VPS8: variants seen among roughly 807,000 people sequenced by gnomAD.
VPS8 encodes VPS8 subunit of CORVET complex, also known as vacuolar protein sorting-associated protein 8 homolog.
VPS8 carries 129 observed loss-of-function variants against 216.4 expected under a neutral mutation model. That is an observed-to-expected ratio of 0.60 (90% CI 0.52 to 0.69). VPS8 has a LOEUF of 0.69. Ranked by LOEUF, VPS8 falls within the 30% of genes least tolerant of loss-of-function variation. VPS8 has a pLI of 0.00. For missense variants in VPS8, 1,531 were observed against 1,683.5 expected, an observed-to-expected ratio of 0.91 and a Z score of 1.59; for synonymous variants, 571 against 565.4, an observed-to-expected ratio of 1.01 and a Z score of -0.14.
At chr3:185,033,983 G>A (rs1245312546) in intron 46 of VPS8, among the ~76,000 whole-genome samples, 1 of 152,090 alleles carries the variant, frequency 6.6e-6, no homozygotes, top group Non-Finnish European at 1.5e-5. Context: ...TGTTACATGG[G>A]AATATTGAGT....
At chr3:184,997,048 G>A (rs1177082704) in intron 44 of VPS8, among the ~76,000 whole-genome samples, 1 of 152,206 alleles carries the variant, frequency 6.6e-6, no homozygotes, top group Non-Finnish European at 1.5e-5. Flanking sequence ...TAGACATCAG[G>A]TAGGGATGCC....
At chr3:184,994,757 A>G (rs546091305) in intron 43 of VPS8, among the ~76,000 whole-genome samples, 2 of 152,360 alleles carry the variant, frequency 1.3e-5, no homozygotes, top group Admixed American at 6.5e-5. Context: ...TGAAACAGAT[A>G]GTTGTCACTA....
chr3:185,021,796 G>A (rs1430170824), intron 45 of VPS8, among the ~76,000 whole-genome samples: 3 of 152,142 alleles, frequency 2.0e-5, no homozygotes, highest in Non-Finnish European at 4.4e-5. Flanking sequence ...TAGCGATGGC[G>A]ACAGTGATAG....
At chr3:184,853,024 A>G (rs770700762) in intron 11 of VPS8, among the ~76,000 whole-genome samples, 1 of 152,180 alleles carries the variant, frequency 6.6e-6, no homozygotes, top group African/African-American at 2.4e-5. Context: ...CATAATATTC[A>G]TTGAATATTA....
intron 13 of VPS8, among the ~76,000 whole-genome samples, chr3:184,855,405 T>A (rs1725056127): frequency 6.6e-6 from 1 of 152,192 alleles, no homozygotes; most frequent in Non-Finnish European, 1.5e-5. Context: ...GTTTAATACT[T>A]CTTTAGGTTT....
chr3:184,850,051 AT>A (rs754245786), intron 10 of VPS8, 29 bp downstream of exon 10: 8 of 1,555,002 alleles, frequency 5.1e-6, no homozygotes, highest in Middle Eastern at 1.7e-4. Context: ...TTTCCTAATA[AT>A]TTTTTTATTA....
At chr3:184,853,580 G>A (rs1400160015) in intron 11 of VPS8, among the ~76,000 whole-genome samples, 2 of 152,176 alleles carry the variant, frequency 1.3e-5, no homozygotes, top group East Asian at 3.9e-4. Context: ...TAATGGGAGA[G>A]GAGTGAAGGG....
intron 20 of VPS8, among the ~76,000 whole-genome samples, chr3:184,869,897 A>G (rs1482026876): frequency 2.0e-5 from 3 of 152,156 alleles, no homozygotes; most frequent in African/African-American, 7.2e-5. Context: ...CTAAAAAAAC[A>G]GTCAGGTTAT....
intron 46 of VPS8, among the ~76,000 whole-genome samples, chr3:185,027,265 C>T (rs548587410): frequency 3.6e-5 from 4 of 110,328 alleles, no homozygotes; most frequent in Admixed American, 1.2e-4. Context: ...TTTTTTGAGA[C>T]GGAGTCTCGC....
At position 184,838,693 on chromosome 3, in the gene VPS8, TTTC is replaced by T. The variant is rs1320849203; in HGVS notation, c.448-18_448-16del. The T allele has an allele frequency of 2.0e-6, 3 of 1,529,724 alleles. No individual in the cohort carries two copies. Among genetic ancestry groups the T allele is most frequent in the Non-Finnish European group, 2.6e-6 (3 of 1,137,050 alleles). The allele number at this position is 1,529,724 out of a possible 1,614,324, so 94.8% of individuals were successfully genotyped here. A position where few individuals can be genotyped will look rare whatever the true frequency, so the allele number is the denominator to read the frequency against. On this transcript the variant is annotated intron_variant, in intron 5 of 47. Coordinates refer to ENST00000625842, the MANE Select transcript of VPS8 (RefSeq NM_001009921.3). ...TAAAATGAGAATATTTTTCAAATAC[TTTC>T]TTTAAAATTTCATTTAGGACAAAGT...
chr3:184,982,579 C>T lies in VPS8; in HGVS notation c.3434C>T (p.Pro1145Leu), dbSNP rs371563514. 2.6e-5 allele frequency: 42 copies of T among 1,612,468 alleles called. No homozygotes were observed. The highest frequency in any genetic ancestry group is 2.3e-4 in the Admixed American group (14 of 59,736). The change falls in exon 41 of 48, where the codon CCG becomes CTG. Residue 1145 changes from proline to leucine, a missense_variant. Physicochemically the swap from Pro to Leu is moderately conservative, Grantham distance 98. Around this residue, in one of 3 missense-constraint regions of VPS8, gnomAD observed 1,318 missense variants for 1,468.4 expected, o/e 0.90. Transcript: ENST00000625842. ...NQQQREALWF[P>L]LLEAMMAPQK... The stretch of plus-strand genomic sequence containing the variant: ...CTGACATTATAGGCACTTTGGTTTC[C>T]GTTATTGGAGGCAATGATGGCCCCT...
intron 29 of VPS8, among the ~76,000 whole-genome samples, chr3:184,920,547 C>T (rs899926336): frequency 7.2e-5 from 11 of 152,156 alleles, no homozygotes; most frequent in African/African-American, 2.4e-4. Flanking sequence ...GTGTCTCATG[C>T]CAACTTCACT....
At chr3:184,918,925 A>G (rs1484540633) in intron 28 of VPS8, 1 of 152,234 alleles carries the variant, frequency 6.6e-6, no homozygotes, top group Non-Finnish European at 1.5e-5. Context: ...TATACATCAG[A>G]ATAACTTCTA....
At chr3:184,923,785 T>G (rs1739078733) in intron 29 of VPS8, among the ~76,000 whole-genome samples, 1 of 152,248 alleles carries the variant, frequency 6.6e-6, no homozygotes, top group Non-Finnish European at 1.5e-5. Flanking sequence ...CTCTTCTCTT[T>G]GCCAGGTTTG....
At chr3:184,837,745 CAT>C (rs1376782401) in intron 5 of VPS8, among the ~76,000 whole-genome samples, 4 of 152,236 alleles carry the variant, frequency 2.6e-5, no homozygotes, top group South Asian at 4.2e-4. Context: ...CAAGGACAGA[CAT>C]AGAAAAGAAG....
intron 37 of VPS8, among the ~76,000 whole-genome samples, chr3:184,963,679 A>G (rs1746920943): frequency 6.6e-6 from 1 of 152,102 alleles, no homozygotes; most frequent in Admixed American, 6.5e-5. Context: ...CAGTGACAGT[A>G]TGACTTCTAA....
chr3:184,958,136 CTG>C (rs2109485387), intron 37 of VPS8, among the ~76,000 whole-genome samples: 2 of 152,174 alleles, frequency 1.3e-5, no homozygotes, highest in South Asian at 4.2e-4. Flanking sequence ...GGGTGGGTAA[CTG>C]TGGAGAGATT....
chr3:184,866,891 A>G lies in VPS8; in HGVS notation c.1411A>G (p.Lys471Glu), dbSNP rs1232706269. The change falls in exon 17 of 48, where the codon AAG (lysine) becomes GAG (glutamate). Residue 471 changes from lysine to glutamate, a missense_variant. By Grantham distance (56) the Lys-to-Glu change is moderately conservative. Coordinates refer to ENST00000625842, the MANE Select transcript of VPS8 (RefSeq NM_001009921.3). ...VSQALALVGE[K>E]ACYQSISSYG... ...TTTCTTCCAGGCTTTGGTTGGAGAG[A>G]AGGCTTGTTATCAATCCATCAGTAG... The G allele has an allele frequency of 6.2e-7, 1 of 1,612,558 alleles. No homozygotes were observed. The highest frequency in any genetic ancestry group is 8.5e-7 in the Non-Finnish European group (1 of 1,179,426).
chr3:185,051,933 A>C lies in VPS8; in HGVS notation c.4195A>C (p.Ser1399Arg), dbSNP rs577176989. 9.9e-6 allele frequency: 16 copies of C among 1,613,552 alleles called. No individual in the cohort carries two copies. In the African/African-American group the frequency reaches 1.3e-4, roughly 13 times the overall value. ...NRSSESYRPFSGSQSAPAFNS... is the reference protein window; with the variant it reads ...NRSSESYRPFRGSQSAPAFNS... Reference sequence around the variant, plus strand: ...CAGCAGCGAGAGCTATAGGCCATTCAGTGGCTCGCAGAGTGCTCCTGCTTT... The same window carrying C: ...CAGCAGCGAGAGCTATAGGCCATTCCGTGGCTCGCAGAGTGCTCCTGCTTT... Residue 1399 changes from serine to arginine, a missense_variant, in exon 48 of 48, where the codon AGT becomes CGT. Ser to Arg is a moderately radical substitution (Grantham distance 110, BLOSUM62 -1). Around this residue, in one of 3 missense-constraint regions of VPS8, gnomAD observed 1,318 missense variants for 1,468.4 expected, o/e 0.90. Transcript: ENST00000625842.
Sources: allele counts gnomAD v4.1 joint callset (sites outside exome capture counted in the v4.1 genomes callset), GRCh38; gene constraint gnomAD v4.1.1; regional missense constraint gnomAD v4.1.1; transcripts MANE v1.5; gene names NCBI Gene and HGNC (gene_info 2026-07-23, HGNC 2026-07-21).